Variants in NAV3 observed in about 807,000 individuals in gnomAD.
The protein encoded by NAV3 is pore membrane and/or filament interacting like protein 1.
NAV3 carries 87 observed loss-of-function variants against 244.7 expected under a neutral mutation model. The observed-to-expected ratio is 0.36, with a 90% confidence interval of 0.30 to 0.42. The LOEUF is 0.42. Ranked by LOEUF, NAV3 falls within the 20% of genes least tolerant of loss-of-function variation. NAV3 has a pLI of 1.00. For missense variants in NAV3, 2,663 were observed against 2,893.3 expected (o/e 0.92, Z 1.83); for synonymous variants, 1,126 against 1,042.2 (o/e 1.08, Z -1.55).
intron 2 of NAV3, among the ~76,000 whole-genome samples, chr12:77,666,848 C>G (rs1376681225): frequency 6.6e-6 from 1 of 152,040 alleles, no homozygotes; most frequent in Non-Finnish European, 1.5e-5. Context: ...GTAACAATGG[C>G]TTTCTTTTGG....
intron 34 of NAV3, among the ~76,000 whole-genome samples, chr12:78,196,269 A>T: frequency 6.6e-6 from 1 of 152,026 alleles, no homozygotes; most frequent in East Asian, 1.9e-4. Context: ...TTATATTTGA[A>T]CATAAATAAA....
At chr12:78,121,834 T>C (rs892507850) in intron 15 of NAV3, 106 bp from the exon 16 acceptor site, 1 of 1,402,798 alleles carries the variant, frequency 7.1e-7, no homozygotes, top group African/African-American at 1.4e-5. Flanking sequence ...TGCTTTGTAG[T>C]TCAGTACATC....
At chr12:77,660,624 G>C (rs1873395142) in intron 2 of NAV3, among the ~76,000 whole-genome samples, 1 of 152,026 alleles carries the variant, frequency 6.6e-6, no homozygotes, top group African/African-American at 2.4e-5. Flanking sequence ...ATATATGTAT[G>C]TATATTATAT....
intron 2 of NAV3, among the ~76,000 whole-genome samples, chr12:77,577,122 T>C (rs991929884): frequency 6.6e-6 from 1 of 152,116 alleles, no homozygotes; most frequent in Non-Finnish European, 1.5e-5. Flanking sequence ...AACATGAACA[T>C]CAAGTTCCCA....
chr12:78,090,999 T>TGA (rs1953902685), intron 12 of NAV3, among the ~76,000 whole-genome samples: 1 of 142,444 alleles, frequency 7.0e-6, no homozygotes, highest in Non-Finnish European at 1.5e-5. Flanking sequence ...TGTGTGTGTG[T>TGA]GAATATGTCC....
At chr12:77,580,222 ACACACACACACACACAC>A (rs1869294337) in intron 2 of NAV3, among the ~76,000 whole-genome samples, 1 of 53,726 alleles carries the variant, frequency 1.9e-5, no homozygotes, top group Admixed American at 1.8e-4. Context: ...GGGTGGGAAC[ACACACACACACACACAC>A]ACACACACAC....
chr12:77,646,173 G>T (rs1325194789), intron 2 of NAV3, among the ~76,000 whole-genome samples: 1 of 152,080 alleles, frequency 6.6e-6, no homozygotes, highest in African/African-American at 2.4e-5. Context: ...CTTAATTTCA[G>T]AATGAGAGAA....
At chr12:77,625,750 A>G (rs1410186513) in intron 2 of NAV3, among the ~76,000 whole-genome samples, 1 of 152,338 alleles carries the variant, frequency 6.6e-6, no homozygotes, top group Non-Finnish European at 1.5e-5. Flanking sequence ...AATCAAAGCC[A>G]AAGTATCCTA....
chr12:78,162,912 AT>A (rs1449074474), intron 23 of NAV3, among the ~76,000 whole-genome samples: 2 of 130,098 alleles, frequency 1.5e-5, no homozygotes, highest in African/African-American at 5.3e-5. Flanking sequence ...AAATATATAT[AT>A]TATATAATAT....
chr12:77,800,164 G>T (rs1186439318), intron 2 of NAV3, among the ~76,000 whole-genome samples: 4 of 152,120 alleles, frequency 2.6e-5, no homozygotes, highest in Non-Finnish European at 5.9e-5. Context: ...CCTTGAACTT[G>T]GCAGCCACTT....
At chr12:77,829,331 T>C (rs1344773883), upstream of NAV3, among the ~76,000 whole-genome samples, 1 of 152,212 alleles carries the variant, frequency 6.6e-6, no homozygotes, top group Admixed American at 6.5e-5. Flanking sequence ...CCTTGAGTGG[T>C]CCAAATTATT....
At chr12:77,656,024 C>A (rs566011883) in intron 2 of NAV3, among the ~76,000 whole-genome samples, 1 of 149,748 alleles carries the variant, frequency 6.7e-6, no homozygotes, top group African/African-American at 2.5e-5. Flanking sequence ...TAAAGACCAT[C>A]GAGACTAGGA....
At chr12:77,605,597 C>T (rs1870635678) in intron 2 of NAV3, among the ~76,000 whole-genome samples, 1 of 152,090 alleles carries the variant, frequency 6.6e-6, no homozygotes, top group Non-Finnish European at 1.5e-5. Context: ...TTAATGTGTT[C>T]ATTTTGTCCT....
intron 1 of NAV3, among the ~76,000 whole-genome samples, chr12:77,919,248 T>A (rs1887470132): frequency 6.6e-6 from 1 of 152,050 alleles, no homozygotes; most frequent in Non-Finnish European, 1.5e-5. Flanking sequence ...AAGGTCAAAG[T>A]GTGGTCAAGT....
At chr12:77,818,125 A>C (rs1872590562) in intron 2 of NAV3, among the ~76,000 whole-genome samples, 1 of 152,284 alleles carries the variant, frequency 6.6e-6, no homozygotes, top group African/African-American at 2.4e-5. Context: ...ATGAATATAA[A>C]CAAAAACAAT....
At chr12:77,733,323 AAAAC>A (rs1877202956) in intron 2 of NAV3, among the ~76,000 whole-genome samples, 1 of 152,058 alleles carries the variant, frequency 6.6e-6, no homozygotes, top group Admixed American at 6.6e-5. Context: ...CAATAAGAGA[AAAAC>A]AGGAAGAAGA....
chr12:77,925,595 T>C (rs570885949), intron 1 of NAV3, among the ~76,000 whole-genome samples: 4 of 152,274 alleles, frequency 2.6e-5, no homozygotes, highest in African/African-American at 9.6e-5. Context: ...CCATGCTCTC[T>C]TAGTGGTCAT....
At chr12:77,842,301 T>C (rs951033656) in intron 1 of NAV3, among the ~76,000 whole-genome samples, 1 of 152,040 alleles carries the variant, frequency 6.6e-6, no homozygotes. Context: ...TTAGGATCTT[T>C]CTAGCTATTT....
chr12:77,996,889 G>T (rs1872431717), intron 6 of NAV3, among the ~76,000 whole-genome samples: 1 of 151,990 alleles, frequency 6.6e-6, no homozygotes. Flanking sequence ...TCACATGGTG[G>T]CAGCAAATAC....
Sources: gnomAD v4.1 joint callset for allele counts (sites outside exome capture counted in the v4.1 genomes callset) on GRCh38, gnomAD v4.1.1 for gene constraint, MANE v1.5 for transcripts, NCBI Gene and HGNC (gene_info 2026-07-23, HGNC 2026-07-21) for gene names.